ST6GALNAC5: variants seen among roughly 807,000 people sequenced by gnomAD.
ST6GALNAC5 encodes alpha-N-acetylgalactosaminide alpha-2,6-sialyltransferase 5.
In ST6GALNAC5, 27 loss-of-function variants were observed where a neutral mutation model predicts 33.6. The ratio of observed to expected loss-of-function variants is 0.80; its 90% CI spans 0.59 to 1.11. The LOEUF is 1.11. Ranked by LOEUF, ST6GALNAC5 falls within the 50% of genes least tolerant of loss-of-function variation. ST6GALNAC5 has a pLI of 0.00. For synonymous variants in ST6GALNAC5, 194 were observed against 171.2 expected (o/e 1.13, Z -1.04); for missense variants, 428 against 454.0 (o/e 0.94, Z 0.52).
intron 2 of ST6GALNAC5, among the ~76,000 whole-genome samples, chr1:77,041,687 C>T (rs1557771485): frequency 6.6e-6 from 1 of 152,116 alleles, no homozygotes; most frequent in Non-Finnish European, 1.5e-5. Flanking sequence ...GGAATAGGGG[C>T]CACTTTCTGG....
intron 2 of ST6GALNAC5, among the ~76,000 whole-genome samples, chr1:76,992,869 G>A (rs941941999): frequency 1.3e-5 from 2 of 152,184 alleles, no homozygotes; most frequent in Non-Finnish European, 2.9e-5. Flanking sequence ...TCCCAAAACA[G>A]TATGCACACA....
chr1:77,044,239 G>A lies in ST6GALNAC5; in HGVS notation c.297G>A (p.Val99=), dbSNP rs1249706919. The A allele has an allele frequency of 2.5e-6, 4 of 1,612,872 alleles. No individual in the cohort carries two copies. The Admixed American group carries it at 5.0e-5, about 20-fold the overall frequency. The change falls in exon 3 of 5, where the codon GTG becomes GTA. Residue 99 remains valine (V), a synonymous_variant. Coordinates refer to ENST00000477717, the MANE Select transcript of ST6GALNAC5 (RefSeq NM_030965.3). The part of the protein sequence containing the change: ...LKMHCRDCAL[V]TSSGHLLHSR... Reference sequence around the variant, plus strand: ...TGCACTGCAGGGACTGTGCCCTGGTGACCAGCTCAGGGCATCTGCTGCACA... The same window carrying A: ...TGCACTGCAGGGACTGTGCCCTGGTAACCAGCTCAGGGCATCTGCTGCACA...
At chr1:77,040,089 T>C (rs1570126356) in intron 2 of ST6GALNAC5, among the ~76,000 whole-genome samples, 1 of 152,326 alleles carries the variant, frequency 6.6e-6, no homozygotes. Flanking sequence ...CTCAGAGGAC[T>C]GTACCAAATC....
At chr1:76,951,683 G>T (rs1487682694) in intron 2 of ST6GALNAC5, among the ~76,000 whole-genome samples, 1 of 152,034 alleles carries the variant, frequency 6.6e-6, no homozygotes, top group African/African-American at 2.4e-5. Flanking sequence ...ATTTAAAAAG[G>T]TGTGTGTTTA....
chr1:76,898,814 C>T (rs894794810), intron 2 of ST6GALNAC5, among the ~76,000 whole-genome samples: 2 of 152,016 alleles, frequency 1.3e-5, no homozygotes, highest in Non-Finnish European at 2.9e-5. Context: ...GTTGGAGGAG[C>T]GGAGCCTGAG....
intron 2 of ST6GALNAC5, among the ~76,000 whole-genome samples, chr1:76,978,851 A>T (rs1224593405): frequency 6.6e-6 from 1 of 152,248 alleles, no homozygotes; most frequent in African/African-American, 2.4e-5. Flanking sequence ...CTGGTTGCAG[A>T]TGACATGGTC....
intron 2 of ST6GALNAC5, among the ~76,000 whole-genome samples, chr1:77,034,394 T>A (rs1651575780): frequency 6.6e-6 from 1 of 152,190 alleles, no homozygotes; most frequent in African/African-American, 2.4e-5. Context: ...CAGTATGACC[T>A]CACCCTGACT....
intron 2 of ST6GALNAC5, among the ~76,000 whole-genome samples, chr1:76,967,713 G>A (rs189691246): frequency 1.4e-4 from 21 of 152,184 alleles, no homozygotes; most frequent in African/African-American, 4.8e-4. Flanking sequence ...TTTCTTGTGG[G>A]CAGTTAGTGC....
chr1:76,975,100 T>A (rs1256103547), intron 2 of ST6GALNAC5, among the ~76,000 whole-genome samples: 1 of 152,122 alleles, frequency 6.6e-6, no homozygotes, highest in African/African-American at 2.4e-5. Flanking sequence ...CTCTTAAAAT[T>A]TCATGAGATT....
In ST6GALNAC5 at chr1:76,868,765, G is replaced by T. The variant is rs1281962011; in HGVS notation, c.261+23G>T. ...AAGGTGACAGCATGCCCGCCAGCCC[G>T]CTCGCCACTCAGCCTGGGGATCCCG... On this transcript the variant is annotated intron_variant, in intron 2 of 4. Transcript: ENST00000477717. This position sits in a 1 kb window ranked among gnomAD's most constrained non-coding sequence, Gnocchi z 4.3. 1.4e-6 allele frequency: 2 copies of T among 1,470,290 alleles called. No individual in the cohort carries two copies. The highest frequency in any genetic ancestry group is 2.5e-5 in the Admixed American group (1 of 39,264). The allele number at this position is 1,470,290 out of a possible 1,614,324, so 91.1% of individuals were successfully genotyped here.
intron 2 of ST6GALNAC5, among the ~76,000 whole-genome samples, chr1:76,941,261 C>A (rs1406611983): frequency 6.6e-6 from 1 of 152,068 alleles, no homozygotes. Context: ...TAACAGGCGG[C>A]AATATTTAGA....
At chr1:76,900,675 A>G (rs1646809142) in intron 2 of ST6GALNAC5, among the ~76,000 whole-genome samples, 1 of 152,230 alleles carries the variant, frequency 6.6e-6, no homozygotes, top group African/African-American at 2.4e-5. Context: ...CTCATTTGAA[A>G]AGTGAACAAA....
At chr1:76,895,312 G>T (rs1009187141) in intron 2 of ST6GALNAC5, among the ~76,000 whole-genome samples, 11 of 152,080 alleles carry the variant, frequency 7.2e-5, no homozygotes, top group African/African-American at 2.4e-4. Context: ...TATGGAGAGA[G>T]AATGGGCGAT....
At chr1:76,957,559 A>G (rs913324971) in intron 2 of ST6GALNAC5, among the ~76,000 whole-genome samples, 3 of 152,094 alleles carry the variant, frequency 2.0e-5, no homozygotes, top group Admixed American at 2.0e-4. Context: ...AATTGTTAAC[A>G]TTTTGACACA....
intron 2 of ST6GALNAC5, among the ~76,000 whole-genome samples, chr1:76,928,452 AG>A (rs1421384104): frequency 1.3e-5 from 2 of 152,096 alleles, no homozygotes; most frequent in African/African-American, 4.8e-5. Flanking sequence ...GTAATTCAGT[AG>A]GGGTTCTTTT....
intron 2 of ST6GALNAC5, among the ~76,000 whole-genome samples, chr1:77,004,985 G>T (rs895836211): frequency 6.6e-6 from 1 of 150,388 alleles, no homozygotes; most frequent in African/African-American, 2.4e-5. Flanking sequence ...GCCTACAGAC[G>T]CAGGCAGGCC....
In ST6GALNAC5 at chr1:76,943,687, G is replaced by A. The variant is rs187434864; in HGVS notation, c.261+74945G>A. On this transcript the variant is annotated intron_variant, in intron 2 of 4. Coordinates refer to ENST00000477717, the MANE Select transcript of ST6GALNAC5 (RefSeq NM_030965.3). ...CAATACAGTCCTTCATAACAGTGTAGGAATGAAGCTATCTAATTCCCTGTA... is the reference window on the plus strand; with the variant it reads ...CAATACAGTCCTTCATAACAGTGTAAGAATGAAGCTATCTAATTCCCTGTA... Among the ~76,000 whole-genome samples, 1,141 of 152,108 alleles carry A rather than the reference G, an allele frequency of 7.5e-3. 14 individuals are homozygous for A. The highest frequency in any genetic ancestry group is 0.014 in the Admixed American group (213 of 15,264).
chr1:76,929,960 AT>A (rs1289629403), intron 2 of ST6GALNAC5, among the ~76,000 whole-genome samples: 1 of 152,134 alleles, frequency 6.6e-6, no homozygotes, highest in African/African-American at 2.4e-5. Context: ...AAAAATAAAA[AT>A]TGAAAAATTA....
At chr1:77,005,811 T>A (rs1650389438) in intron 2 of ST6GALNAC5, among the ~76,000 whole-genome samples, 1 of 152,232 alleles carries the variant, frequency 6.6e-6, no homozygotes, top group South Asian at 2.1e-4. Context: ...GCGTTTGTCC[T>A]TTTCGATCTG....
Sources: gnomAD v4.1 joint callset for allele counts (sites outside exome capture counted in the v4.1 genomes callset) on GRCh38, gnomAD v4.1.1 for gene constraint, Gnocchi (gnomAD v3.1) non-coding constraint, MANE v1.5 for transcripts, NCBI Gene and HGNC (gene_info 2026-07-23, HGNC 2026-07-21) for gene names.